The following SLC2A13 variants were observed in gnomAD, a reference collection of about 807,000 sequenced individuals.
SLC2A13 encodes the protein proton myo-inositol cotransporter.
In SLC2A13, 32 loss-of-function variants were observed where a neutral mutation model predicts 64.4. The ratio of observed to expected loss-of-function variants is 0.50; its 90% confidence interval spans 0.37 to 0.67. The LOEUF (loss-of-function observed/expected upper bound fraction) is 0.67, where lower values mean the gene tolerates loss of function less well. SLC2A13 is among the 30% of genes least tolerant of loss of function. The probability of loss-of-function intolerance (pLI) is 0.00; values close to 1 mark genes in which losing one functional copy is unlikely to be tolerated. For synonymous variants in SLC2A13, 338 were observed against 327.1 expected (o/e 1.03, Z -0.36); for missense variants, 743 against 829.2 (o/e 0.90, Z 1.28).
intron 6 of SLC2A13, among the ~76,000 whole-genome samples, chr12:39,856,541 G>A (rs938067556): frequency 6.6e-6 from 1 of 151,942 alleles, no homozygotes; most frequent in African/African-American, 2.4e-5. Context: ...GCTAATTTTT[G>A]TATTTTTAGT....
chr12:39,886,474 A>G (rs533229919), intron 4 of SLC2A13, among the ~76,000 whole-genome samples: 3 of 152,302 alleles, frequency 2.0e-5, no homozygotes, highest in South Asian at 4.1e-4. Context: ...GCAATTATCT[A>G]TCAGTCAGCA....
chr12:39,904,587 A>G (rs2136025547), intron 4 of SLC2A13, among the ~76,000 whole-genome samples: 1 of 152,112 alleles, frequency 6.6e-6, no homozygotes, highest in South Asian at 2.1e-4. Flanking sequence ...GCTCTTGTTT[A>G]CTGGACTGGA....
intron 1 of SLC2A13, among the ~76,000 whole-genome samples, chr12:40,100,928 G>A (rs1055583461): frequency 2.2e-4 from 30 of 135,290 alleles, no homozygotes; most frequent in African/African-American, 8.0e-4. Context: ...TCTCGCCACC[G>A]TGCTCCAGCC....
chr12:40,097,814 A>C (rs1939003659), intron 1 of SLC2A13, among the ~76,000 whole-genome samples: 1 of 152,172 alleles, frequency 6.6e-6, no homozygotes, highest in Non-Finnish European at 1.5e-5. Context: ...AATGGGATAG[A>C]AGTTCCTCAA....
intron 7 of SLC2A13, among the ~76,000 whole-genome samples, chr12:39,794,221 C>G (rs1051254083): frequency 2.3e-4 from 34 of 150,976 alleles, no homozygotes; most frequent in African/African-American, 8.3e-4. Context: ...TGCAGCTCTC[C>G]CTTTGTTGCT....
At chr12:39,849,606 G>A (rs1320671988) in intron 6 of SLC2A13, among the ~76,000 whole-genome samples, 2 of 152,116 alleles carry the variant, frequency 1.3e-5, no homozygotes, top group Non-Finnish European at 2.9e-5. Context: ...GAGTAACTGA[G>A]CAGTTAAGCT....
chr12:39,905,692 A>T (rs1945253725), intron 4 of SLC2A13, among the ~76,000 whole-genome samples: 1 of 152,056 alleles, frequency 6.6e-6, no homozygotes, highest in Non-Finnish European at 1.5e-5. Flanking sequence ...ATTTTAAAAC[A>T]TGCTACAGAA....
chr12:40,002,200 C>A (rs1257131413), intron 3 of SLC2A13, among the ~76,000 whole-genome samples: 1 of 152,202 alleles, frequency 6.6e-6, no homozygotes, highest in African/African-American at 2.4e-5. Flanking sequence ...TATGCGCCAG[C>A]CTAAGAACTT....
chr12:39,835,364 T>A (rs1307376793), intron 6 of SLC2A13, among the ~76,000 whole-genome samples: 2 of 152,108 alleles, frequency 1.3e-5, no homozygotes, highest in Non-Finnish European at 2.9e-5. Context: ...ATTAGAATGC[T>A]GCAACTTCTC....
At chr12:39,967,887 T>C (rs1190295605) in intron 3 of SLC2A13, among the ~76,000 whole-genome samples, 3 of 152,122 alleles carry the variant, frequency 2.0e-5, no homozygotes. Flanking sequence ...CAGAAAATGG[T>C]ATCTACATAA....
At chr12:39,983,814 C>T (rs929757120) in intron 3 of SLC2A13, among the ~76,000 whole-genome samples, 1 of 138,060 alleles carries the variant, frequency 7.2e-6, no homozygotes, top group Non-Finnish European at 1.5e-5. Context: ...TTTGACCCAG[C>T]AATCCCATTA....
intron 7 of SLC2A13, among the ~76,000 whole-genome samples, chr12:39,813,181 T>C (rs1942242492): frequency 6.6e-6 from 1 of 151,744 alleles, no homozygotes; most frequent in African/African-American, 2.4e-5. Context: ...AAAACTTCTT[T>C]TATTGGATTA....
rs375817342 is a variant in SLC2A13 at position 39,896,158 on chromosome 12, G to A, written c.1035-24197C>T. Among the ~76,000 whole-genome samples the A allele has an allele frequency of 4.1e-4, 60 of 147,124 alleles. 3 individuals are homozygous for A. In the East Asian group the frequency reaches 4.1e-3, roughly 10 times the overall value. On this transcript the variant is annotated intron_variant, in intron 4 of 9. Coordinates refer to ENST00000280871, the MANE Select transcript of SLC2A13 (RefSeq NM_052885.4). Reference sequence around the variant, plus strand: ...CACGTGTACCTATATATGTATACACGTGTATACATATATGAATATGTATAT... The same window carrying A: ...CACGTGTACCTATATATGTATACACATGTATACATATATGAATATGTATAT...
At chr12:40,022,736 G>T (rs1274859035) in intron 3 of SLC2A13, among the ~76,000 whole-genome samples, 1 of 152,064 alleles carries the variant, frequency 6.6e-6, no homozygotes, top group Non-Finnish European at 1.5e-5. Context: ...TACTGGGGAG[G>T]CTGAGGCAGG....
At chr12:39,994,576 C>T (rs1947196357) in intron 3 of SLC2A13, among the ~76,000 whole-genome samples, 1 of 152,072 alleles carries the variant, frequency 6.6e-6, no homozygotes. Flanking sequence ...TCTCACATTA[C>T]AAACACACAC....
intron 6 of SLC2A13, among the ~76,000 whole-genome samples, chr12:39,839,249 C>T (rs1314221427): frequency 6.6e-6 from 1 of 152,038 alleles, no homozygotes; most frequent in Non-Finnish European, 1.5e-5. Flanking sequence ...AGGACAGATT[C>T]CTATATCAGT....
chr12:39,957,195 C>A (rs1439704264), intron 3 of SLC2A13, among the ~76,000 whole-genome samples: 1 of 152,124 alleles, frequency 6.6e-6, no homozygotes, highest in East Asian at 1.9e-4. Flanking sequence ...AGTGTTGCTA[C>A]CCCCATCTTA....
intron 7 of SLC2A13, among the ~76,000 whole-genome samples, chr12:39,782,161 T>C (rs1239628642): frequency 6.6e-6 from 1 of 152,220 alleles, no homozygotes; most frequent in Non-Finnish European, 1.5e-5. Context: ...AGTCTTGCTA[T>C]GCTTTTATTA....
rs773849310 is a variant in SLC2A13, at chr12:39,756,959, TTTTATTA to T, written c.*3060_*3066del. 72 of 151,660 alleles carry T rather than the reference TTTTATTA, an allele frequency of 4.7e-4. No homozygotes were observed. The highest frequency in any genetic ancestry group is 1.5e-3 in the African/African-American group (63 of 41,514). 9.4% of individuals were successfully genotyped at this position (151,660 alleles called of 1,614,324 possible). On this transcript the variant is annotated 3_prime_UTR_variant, in exon 10 of 10. Transcript: ENST00000280871. Reference sequence around the variant, plus strand: ...CAAAATTTAAAATGGACACATTACCTTTTATTATTTATTATTTAAATATTTTACATAT... The same window carrying T: ...CAAAATTTAAAATGGACACATTACCTTTTATTATTTAAATATTTTACATAT...
Sources: allele counts gnomAD v4.1 joint callset (sites outside exome capture counted in the v4.1 genomes callset), GRCh38; gene constraint gnomAD v4.1.1; transcripts MANE v1.5; gene names NCBI Gene and HGNC (gene_info 2026-07-23, HGNC 2026-07-21).